Variants in FN3K observed in about 807,000 individuals in gnomAD.
The protein encoded by FN3K is fructosamine-3-kinase.
In FN3K, 24 loss-of-function variants were observed where a neutral mutation model predicts 24.8. That is an observed-to-expected ratio of 0.97 (90% confidence interval 0.70 to 1.36). The LOEUF is 1.36. Ranked by LOEUF, FN3K falls within the 40% of genes most tolerant of loss-of-function variation. FN3K has a pLI of 0.00. For synonymous variants in FN3K, 192 were observed against 175.2 expected (o/e 1.10, Z -0.76); for missense variants, 449 against 416.7 (o/e 1.08, Z -0.67).
intron 3 of FN3K, 141 bp downstream of exon 3, chr17:82,740,995 G>A (rs1328860769): frequency 1.4e-6 from 1 of 699,424 alleles, no homozygotes; most frequent in Non-Finnish European, 2.6e-6. Context: ...ATGAAAATGA[G>A]ATTATTAAAT....
chr17:82,735,951 G>A, intron 1 of FN3K, 174 bp downstream of exon 1: 1 of 828,006 alleles, frequency 1.2e-6, no homozygotes, highest in Non-Finnish European at 1.9e-6. Context: ...GAAGGTTTGT[G>A]TCTGCACGAT....
In FN3K at chr17:82,740,802, T is replaced by G. The variant is rs757642134; in HGVS notation, c.333T>G (p.His111Gln). 6 of 1,613,866 alleles carry G rather than the reference T, an allele frequency of 3.7e-6. No individual in the cohort carries two copies. The highest frequency in any genetic ancestry group is 5.1e-6 in the Non-Finnish European group (6 of 1,179,844). The change falls in exon 3 of 6, where the codon CAT becomes CAG. Residue 111 changes from histidine to glutamine, a missense_variant. Physicochemically the swap from His to Gln is conservative, Grantham distance 24. Transcript: ENST00000300784. ...TTGGAGAGCAGATGGCAGATTTGCA[T>G]CTTTACAACCAGAAGCTCAGGGAGA... The part of the protein sequence containing the change: ...SKLGEQMADL[H>Q]LYNQKLREKL...
At chr17:82,738,372 C>A in intron 1 of FN3K, 117 bp from the exon 2 acceptor site, 1 of 1,405,332 alleles carries the variant, frequency 7.1e-7, no homozygotes, top group South Asian at 1.2e-5. Flanking sequence ...CAGCCAGAGC[C>A]AGCTATCAGT....
Position 82,750,812 on chromosome 17 carries a change from TCCCCCCG to T in FN3K, c.*58_*64del. On this transcript the variant is annotated 3_prime_UTR_variant, in exon 6 of 6. Coordinates refer to ENST00000300784, the MANE Select transcript of FN3K (RefSeq NM_022158.4). The stretch of plus-strand genomic sequence containing the variant: ...CCCCGTCTCCGTCTCCCCGTCCCTG[TCCCCCCG>T]TCCCCCGTCCCTGTGCCCCCGTCCC... 5 of 1,259,746 alleles carry T rather than the reference TCCCCCCG, an allele frequency of 4.0e-6. No homozygotes were observed. The highest frequency in any genetic ancestry group is 5.3e-6 in the Non-Finnish European group (5 of 950,112). 78.0% of individuals were successfully genotyped at this position (1,259,746 alleles called of 1,614,324 possible). A position where few individuals can be genotyped will look rare whatever the true frequency, so the allele number is the denominator to read the frequency against.
At chr17:82,749,100 G>A (rs930538325) in intron 5 of FN3K, 123 bp downstream of exon 5, 1 of 1,460,490 alleles carries the variant, frequency 6.8e-7, no homozygotes, top group Non-Finnish European at 9.4e-7. Context: ...GCACACATCA[G>A]GGAGGAAGGG....
rs950927115 is a variant in FN3K at position 82,741,218 on chromosome 17, T to C, written c.386-93T>C. On this transcript the variant is annotated intron_variant, in intron 3 of 5. Transcript: ENST00000300784. ...TCCTCAGACCACCTATATTCTAGCA[T>C]GCGTAGCCCAGGCTTGTACTGATGC... 3.9e-5 allele frequency: 44 copies of C among 1,139,060 alleles called. No homozygotes were observed. In the Middle Eastern group the frequency reaches 6.4e-4, roughly 16 times the overall value. The allele number at this position is 1,139,060 out of a possible 1,614,324, so 70.6% of individuals were successfully genotyped here.
At position 82,750,826 on chromosome 17, in the gene FN3K, G is replaced by C. The variant is rs1340642769; in HGVS notation, c.*71G>C. On this transcript the variant is annotated 3_prime_UTR_variant, in exon 6 of 6. Coordinates refer to ENST00000300784, the MANE Select transcript of FN3K (RefSeq NM_022158.4). Reference sequence around the variant, plus strand: ...CCCCGTCCCTGTCCCCCCGTCCCCCGTCCCTGTGCCCCCGTCCCTGTCCCC... The same window carrying C: ...CCCCGTCCCTGTCCCCCCGTCCCCCCTCCCTGTGCCCCCGTCCCTGTCCCC... 2 of 1,105,894 alleles carry C rather than the reference G, an allele frequency of 1.8e-6. No individual in the cohort carries two copies. The highest frequency in any genetic ancestry group is 1.5e-5 in the South Asian group (1 of 66,800). 68.5% of individuals were successfully genotyped at this position (1,105,894 alleles called of 1,614,324 possible). A position where few individuals can be genotyped will look rare whatever the true frequency, so the allele number is the denominator to read the frequency against.
chr17:82,750,032 T>C, intron 5 of FN3K: 2 of 274,202 alleles, frequency 7.3e-6, no homozygotes, highest in South Asian at 7.4e-5. Flanking sequence ...CACTCCAGCC[T>C]GGGTGACAGA....
intron 4 of FN3K, chr17:82,742,559 T>G (rs2046946710): frequency 2.7e-6 from 1 of 369,528 alleles, no homozygotes; most frequent in Non-Finnish European, 5.3e-6. Flanking sequence ...ATGTTATTCT[T>G]TTATGGCTGA....
At chr17:82,738,943 TA>T (rs1357705014) in intron 2 of FN3K, among the ~76,000 whole-genome samples, 1,448 of 91,470 alleles carry the variant, frequency 0.016, 44 homozygotes, top group Middle Eastern at 0.035. Flanking sequence ...TATATATATA[TA>T]TATTTTTTTT....
At chr17:82,736,579 A>G (rs907760057) in intron 1 of FN3K, 1 of 151,932 alleles carries the variant, frequency 6.6e-6, no homozygotes, top group Non-Finnish European at 1.5e-5. Context: ...GGAAGTGGAG[A>G]AGGTTAGCTT....
In FN3K at chr17:82,750,794, T is replaced by TCCGTCTCCCCGTCC; in HGVS notation, c.*41_*54dup. On this transcript the variant is annotated 3_prime_UTR_variant, in exon 6 of 6. Transcript: ENST00000300784. The stretch of plus-strand genomic sequence containing the variant: ...CCCTTCCCCTGTCCCCGTCCCCGTC[T>TCCGTCTCCCCGTCC]CCGTCTCCCCGTCCCTGTCCCCCCG... 6.8e-7 allele frequency: 1 copy of TCCGTCTCCCCGTCC among 1,478,914 alleles called. No homozygotes were observed. Among genetic ancestry groups the TCCGTCTCCCCGTCC allele is most frequent in the African/African-American group, 1.9e-5 (1 of 52,880 alleles). The allele number at this position is 1,478,914 out of a possible 1,614,324, so 91.6% of individuals were successfully genotyped here.
At position 82,741,338 on chromosome 17, in the gene FN3K, A is replaced by T; in HGVS notation, c.413A>T (p.Gln138Leu). ...CGAAGAGGTGAGGGTGCTGAGCCTCAGTATGTGGACAAGTTCGGCTTCCAC... is the reference window on the plus strand; with the variant it reads ...CGAAGAGGTGAGGGTGCTGAGCCTCTGTATGTGGACAAGTTCGGCTTCCAC... ...VGRRGEGAEP[Q>L]YVDKFGFHTV... is the part of the protein sequence containing the mutation. Residue 138 changes from glutamine (Q) to leucine (L), a missense_variant, in exon 4 of 6, where the codon CAG (glutamine) becomes CTG (leucine). Transcript: ENST00000300784. The T allele has an allele frequency of 6.2e-7, 1 of 1,614,000 alleles. No individual in the cohort carries two copies. Among genetic ancestry groups the T allele is most frequent in the Non-Finnish European group, 8.5e-7 (1 of 1,179,926 alleles).
At chr17:82,739,647 C>T (rs112043381) in intron 2 of FN3K, among the ~76,000 whole-genome samples, 74,051 of 151,592 alleles carry the variant, frequency 0.49, 18,171 homozygotes, top group East Asian at 0.58. Flanking sequence ...TTAGTAGAGA[C>T]GGGGTTTCAC....
At chr17:82,743,885 G>A (rs185090206) in intron 4 of FN3K, among the ~76,000 whole-genome samples, 1 of 152,352 alleles carries the variant, frequency 6.6e-6, no homozygotes, top group East Asian at 1.9e-4. Context: ...TGTGTACCCA[G>A]GTGGCACCTT....
At chr17:82,750,133 T>C (rs1332177412) in intron 5 of FN3K, among the ~76,000 whole-genome samples, 2 of 152,176 alleles carry the variant, frequency 1.3e-5, no homozygotes, top group African/African-American at 4.8e-5. Flanking sequence ...CAGAGTTTGC[T>C]AAGGTAGCGC....
At chr17:82,746,924 A>C (rs2046971962) in intron 4 of FN3K, among the ~76,000 whole-genome samples, 1 of 152,088 alleles carries the variant, frequency 6.6e-6, no homozygotes, top group African/African-American at 2.4e-5. Flanking sequence ...TCCTGGGTTC[A>C]AGCGATTCTC....
chr17:82,740,196 A>G (rs977234865), intron 2 of FN3K, among the ~76,000 whole-genome samples: 5 of 152,138 alleles, frequency 3.3e-5, no homozygotes, highest in African/African-American at 1.2e-4. Context: ...CCACTGTGCC[A>G]CTATGCTTGG....
intron 3 of FN3K, chr17:82,741,091 A>G: frequency 1.5e-6 from 1 of 663,658 alleles, no homozygotes; most frequent in South Asian, 1.7e-5. Flanking sequence ...TGCTTGAGGT[A>G]ATAATAACCC....
Sources: allele counts gnomAD v4.1 joint callset (sites outside exome capture counted in the v4.1 genomes callset), GRCh38; gene constraint gnomAD v4.1.1; transcripts MANE v1.5; gene names NCBI Gene and HGNC (gene_info 2026-07-23, HGNC 2026-07-21).